Variants in FNDC1 observed in about 807,000 individuals in gnomAD.
FNDC1 encodes the protein fibronectin type III domain containing 1, also known as fibronectin type III domain-containing protein 1.
Under a neutral mutation model 168.0 loss-of-function variants are expected in FNDC1, and 96 were observed. That is an observed-to-expected ratio of 0.57 (90% CI 0.48 to 0.68). The LOEUF (loss-of-function observed/expected upper bound fraction) is 0.68, where lower values mean the gene tolerates loss of function less well. Ranked by LOEUF, FNDC1 falls within the 30% of genes least tolerant of loss-of-function variation. FNDC1 has a pLI of 0.00. For missense variants in FNDC1, 2,587 were observed against 2,482.1 expected (o/e 1.04, Z -0.90); for synonymous variants, 1,099 against 1,025.9 (o/e 1.07, Z -1.36).
At chr6:159,189,916 G>A (rs1053497637) in intron 1 of FNDC1, among the ~76,000 whole-genome samples, 1 of 152,134 alleles carries the variant, frequency 6.6e-6, no homozygotes, top group Non-Finnish European at 1.5e-5. Flanking sequence ...GGGCTCTTCT[G>A]GATAGCATAA....
chr6:159,240,040 G>A, intron 14 of FNDC1, 83 bp downstream of exon 14: 1 of 1,316,820 alleles, frequency 7.6e-7, no homozygotes, highest in Non-Finnish European at 1.0e-6. Flanking sequence ...GAGCCTGCAG[G>A]GGAGGTATGA....
At chr6:159,222,248 G>A (rs1048813252) in intron 6 of FNDC1, among the ~76,000 whole-genome samples, 5 of 152,040 alleles carry the variant, frequency 3.3e-5, no homozygotes, top group African/African-American at 1.2e-4. Context: ...TACCTTTTCT[G>A]GACCACATAC....
chr6:159,264,952 A>T, intron 19 of FNDC1, 23 bp from the exon 20 acceptor site: 1 of 1,590,636 alleles, frequency 6.3e-7, no homozygotes, highest in Non-Finnish European at 8.6e-7. Context: ...CACAGAGTCC[A>T]TTATTTCTTT....
intron 1 of FNDC1, among the ~76,000 whole-genome samples, chr6:159,193,109 A>G (rs1782172338): frequency 1.3e-5 from 2 of 152,156 alleles, no homozygotes; most frequent in Non-Finnish European, 2.9e-5. Flanking sequence ...TGAGTCCAAC[A>G]GCTCATGTGT....
At chr6:159,240,053 A>C in intron 14 of FNDC1, 96 bp downstream of exon 14, 1 of 1,191,956 alleles carries the variant, frequency 8.4e-7, no homozygotes, top group Non-Finnish European at 1.1e-6. Context: ...AGGTATGAGC[A>C]CCGTGCACAG....
intron 1 of FNDC1, among the ~76,000 whole-genome samples, chr6:159,193,434 C>G (rs1462494414): frequency 6.6e-6 from 1 of 152,080 alleles, no homozygotes; most frequent in Non-Finnish European, 1.5e-5. Context: ...TGGATTTGAT[C>G]TTGTTGGTCT....
At chr6:159,172,505 A>C (rs1349055135) in intron 1 of FNDC1, among the ~76,000 whole-genome samples, 2 of 152,162 alleles carry the variant, frequency 1.3e-5, no homozygotes, top group African/African-American at 4.8e-5. Context: ...CCAATATTTA[A>C]ATTTTTTTCT....
At position 159,169,574 on chromosome 6, in the gene FNDC1, C is replaced by T; in HGVS notation, c.-23C>T. On this transcript the variant is annotated 5_prime_UTR_variant, in exon 1 of 23. Coordinates refer to ENST00000297267, the MANE Select transcript of FNDC1 (RefSeq NM_032532.3). This position sits in a 1 kb window ranked among gnomAD's most constrained non-coding sequence, Gnocchi z 6.8. Reference sequence around the variant, plus strand: ...CCCCCTGCCAGCCGCAAGCACCCAGCCCCGGCCCACCCCGGGCTCTCGATG... The same window carrying T: ...CCCCCTGCCAGCCGCAAGCACCCAGTCCCGGCCCACCCCGGGCTCTCGATG... 4.1e-6 allele frequency: 4 copies of T among 985,792 alleles called. No homozygotes were observed. The highest frequency in any genetic ancestry group is 5.3e-5 in the Admixed American group (1 of 18,954). The allele number at this position is 985,792 out of a possible 1,614,324, so 61.1% of individuals were successfully genotyped here. A position where few individuals can be genotyped will look rare whatever the true frequency, so the allele number is the denominator to read the frequency against.
At chr6:159,180,146 G>T (rs2114922831) in intron 1 of FNDC1, among the ~76,000 whole-genome samples, 1 of 152,308 alleles carries the variant, frequency 6.6e-6, no homozygotes, top group East Asian at 1.9e-4. Flanking sequence ...GGCCAGTCAT[G>T]CTCTCTTGGA....
intron 4 of FNDC1, among the ~76,000 whole-genome samples, chr6:159,206,550 T>A (rs567343327): frequency 1.3e-4 from 20 of 152,182 alleles, no homozygotes; most frequent in African/African-American, 4.8e-4. Flanking sequence ...GGTAGAGGAG[T>A]GGGCATTGAC....
chr6:159,221,885 G>A (rs1782833114), intron 6 of FNDC1, among the ~76,000 whole-genome samples, 189 bp downstream of exon 6: 1 of 152,226 alleles, frequency 6.6e-6, no homozygotes, highest in Non-Finnish European at 1.5e-5. Context: ...GTGCTCTTGT[G>A]ATGGAATACA....
Position 159,232,207 on chromosome 6 carries a change from C to A in FNDC1, c.1695C>A (p.Thr565=), listed in dbSNP as rs955188110. 1.2e-6 allele frequency: 2 copies of A among 1,613,266 alleles called. No homozygotes were observed. Among genetic ancestry groups the A allele is most frequent in the Non-Finnish European group, 8.5e-7 (1 of 1,179,692 alleles). Residue 565 remains threonine, a synonymous_variant, in exon 11 of 23, where the codon ACC becomes ACA. Transcript: ENST00000297267. This position sits in a 1 kb window ranked among gnomAD's most constrained non-coding sequence, Gnocchi z 4.9. ...SPSDTQDQKR[T]LRPPSRHGHS... ...CAGACACCCAAGACCAGAAACGGACCCTGAGGCCGCCAAGTAGACACGGCC... is the reference window on the plus strand; with the variant it reads ...CAGACACCCAAGACCAGAAACGGACACTGAGGCCGCCAAGTAGACACGGCC...
chr6:159,188,383 T>C (rs368920401), intron 1 of FNDC1, among the ~76,000 whole-genome samples: 103 of 94,694 alleles, frequency 1.1e-3, no homozygotes, highest in African/African-American at 5.3e-3. Flanking sequence ...TTTTTTTTTT[T>C]TTTTTTTTTG....
intron 4 of FNDC1, among the ~76,000 whole-genome samples, chr6:159,209,593 G>A (rs1782555777): frequency 6.6e-6 from 1 of 152,192 alleles, no homozygotes; most frequent in African/African-American, 2.4e-5. Context: ...CTGGAAGGCA[G>A]GAAGCCAGAG....
chr6:159,190,052 TA>T (rs1223554254), intron 1 of FNDC1, among the ~76,000 whole-genome samples: 1 of 152,198 alleles, frequency 6.6e-6, no homozygotes, highest in Non-Finnish European at 1.5e-5. Context: ...GGGGTCCTGA[TA>T]GGGGCGGTAT....
chr6:159,171,848 T>C, intron 1 of FNDC1, among the ~76,000 whole-genome samples: 1 of 152,226 alleles, frequency 6.6e-6, no homozygotes, highest in East Asian at 1.9e-4. Flanking sequence ...TTTTCTTCTT[T>C]AAAGAAGCTT....
At chr6:159,220,551 G>A (rs190381441) in intron 5 of FNDC1, among the ~76,000 whole-genome samples, 309 of 152,150 alleles carry the variant, frequency 2.0e-3, no homozygotes, top group African/African-American at 7.1e-3. Context: ...TGTGACCCTG[G>A]GCAAGTCACT....
chr6:159,246,676 A>G (rs747711273), intron 14 of FNDC1, among the ~76,000 whole-genome samples: 8 of 152,194 alleles, frequency 5.3e-5, no homozygotes, highest in Non-Finnish European at 7.3e-5. Flanking sequence ...CTAATGGGGC[A>G]GGCATTTGTA....
chr6:159,187,312 A>T (rs1244480007), intron 1 of FNDC1, among the ~76,000 whole-genome samples: 2 of 152,180 alleles, frequency 1.3e-5, no homozygotes, highest in Non-Finnish European at 2.9e-5. Context: ...CTCTCGTGGC[A>T]CCTGGGACAC....
Sources: allele counts gnomAD v4.1 joint callset (sites outside exome capture counted in the v4.1 genomes callset), GRCh38; gene constraint gnomAD v4.1.1; non-coding constraint Gnocchi (gnomAD v3.1); transcripts MANE v1.5; gene names NCBI Gene and HGNC (gene_info 2026-07-23, HGNC 2026-07-21).